CLHC1: variants seen among roughly 807,000 people sequenced by gnomAD.
The protein encoded by CLHC1 is clathrin heavy chain linker domain containing 1, also known as clathrin heavy chain linker domain-containing protein 1.
CLHC1 carries 72 observed loss-of-function variants against 69.5 expected under a neutral mutation model. The observed-to-expected ratio is 1.04, with a 90% CI of 0.86 to 1.26. The LOEUF is 1.26. Ranked by LOEUF, CLHC1 falls within the 50% of genes most tolerant of loss-of-function variation. The probability of loss-of-function intolerance (pLI) is 0.00; values close to 1 mark genes in which losing one functional copy is unlikely to be tolerated. For missense variants in CLHC1, 790 were observed against 679.3 expected, an observed-to-expected ratio of 1.16 and a Z score of -1.81; for synonymous variants, 223 against 224.3, an observed-to-expected ratio of 0.99 and a Z score of 0.05.
chr2:55,232,185 T>A (rs1434323410), intron 1 of CLHC1, 38 bp downstream of exon 1: 1 of 161,726 alleles, frequency 6.2e-6, no homozygotes, highest in East Asian at 1.8e-4. Flanking sequence ...TCCGGCCCGT[T>A]CCCACGCTCC....
At chr2:55,177,272 TA>T (rs1263328140) in intron 12 of CLHC1, among the ~76,000 whole-genome samples, 2 of 152,226 alleles carry the variant, frequency 1.3e-5, no homozygotes, top group Non-Finnish European at 2.9e-5. Context: ...ATATAGTTTA[TA>T]TCTACATAAC....
upstream of CLHC1, chr2:55,232,535 G>C: frequency 1.9e-6 from 1 of 528,932 alleles, no homozygotes; most frequent in South Asian, 2.0e-5. Flanking sequence ...AATAAGCCCA[G>C]GCTAGGGAGA....
At chr2:55,189,593 G>T (rs559519489) in intron 9 of CLHC1, among the ~76,000 whole-genome samples, 2 of 152,248 alleles carry the variant, frequency 1.3e-5, no homozygotes, top group African/African-American at 4.8e-5. Flanking sequence ...CTGAGTTCCT[G>T]AATTGAGGAC....
At position 55,229,132 on chromosome 2, in the gene CLHC1, C is replaced by A. The variant is rs1466000040; in HGVS notation, c.-255-928G>T. On this transcript the variant is annotated intron_variant, in intron 1 of 12. Coordinates refer to ENST00000401408, the MANE Select transcript of CLHC1 (RefSeq NM_152385.4). The stretch of plus-strand genomic sequence containing the variant: ...TACCACTGCAATCCAGCCTGGGCGA[C>A]AGAGGGAGATTCTGTCTCAAAAAAA... 3.8e-5 allele frequency among the ~76,000 whole-genome samples: 4 copies of A among 105,944 alleles called. No individual in the cohort carries two copies. In the South Asian group the frequency reaches 1.2e-3, roughly 33 times the overall value. 69.5% of individuals were successfully genotyped at this position (105,944 alleles called of 152,430 possible).
chr2:55,180,540 A>G lies in CLHC1; in HGVS notation c.1354T>C (p.Tyr452His), dbSNP rs186667665. 44 of 1,613,972 alleles carry G rather than the reference A, an allele frequency of 2.7e-5. No homozygotes were observed. The highest frequency in any genetic ancestry group is 8.3e-5 in the Admixed American group (5 of 60,006). ...KQGQTHRVME[Y>H]IQQLKDFTTD... ...GTAAAGTCCTTCAACTGCTGTATGT[A>G]CTCCATGACCCTATGAGTCTGACCC... Residue 452 changes from tyrosine (Y) to histidine (H), a missense_variant, in exon 11 of 13, where the codon TAC (tyrosine) becomes CAC (histidine). By Grantham distance (83) the Tyr-to-His change is moderately conservative. Transcript: ENST00000401408.
At chr2:55,182,342 T>C (rs1670012025) in intron 9 of CLHC1, among the ~76,000 whole-genome samples, 1 of 152,168 alleles carries the variant, frequency 6.6e-6, no homozygotes, top group Non-Finnish European at 1.5e-5. Context: ...CAAATTAGGA[T>C]CCTGAAATTT....
At chr2:55,228,570 C>T (rs1018778835) in intron 1 of CLHC1, among the ~76,000 whole-genome samples, 4 of 152,168 alleles carry the variant, frequency 2.6e-5, no homozygotes, top group African/African-American at 9.7e-5. Flanking sequence ...TGAGCCACTG[C>T]TACAAAGCAG....
chr2:55,198,419 G>C (rs1393800178), intron 9 of CLHC1, among the ~76,000 whole-genome samples: 1 of 151,962 alleles, frequency 6.6e-6, no homozygotes, highest in Non-Finnish European at 1.5e-5. Context: ...AACCATGTCT[G>C]TACTAAAAAA....
At chr2:55,231,835 C>G (rs961268958) in intron 1 of CLHC1, 2 of 152,176 alleles carry the variant, frequency 1.3e-5, no homozygotes, top group Admixed American at 6.5e-5. Context: ...TACGGCTTCA[C>G]TTTAAAATTT....
intron 9 of CLHC1, among the ~76,000 whole-genome samples, chr2:55,191,524 G>A (rs989427951): frequency 1.3e-5 from 2 of 152,116 alleles, no homozygotes; most frequent in African/African-American, 4.8e-5. Context: ...GTGAGCCACT[G>A]CGCCCAGCCA....
intron 6 of CLHC1, 35 bp from the exon 7 acceptor site, chr2:55,209,551 C>T (rs1672779883): frequency 1.3e-6 from 2 of 1,576,052 alleles, no homozygotes; most frequent in Admixed American, 1.7e-5. Context: ...ACACACTGAG[C>T]CTAAAATCAA....
At chr2:55,187,234 G>A (rs1419316594) in intron 9 of CLHC1, among the ~76,000 whole-genome samples, 2 of 151,022 alleles carry the variant, frequency 1.3e-5, no homozygotes, top group African/African-American at 4.9e-5. Context: ...GGCCGGGATC[G>A]CGCCATTGCA....
intron 9 of CLHC1, among the ~76,000 whole-genome samples, chr2:55,186,872 T>C (rs886539766): frequency 3.3e-5 from 5 of 152,122 alleles, no homozygotes; most frequent in African/African-American, 1.2e-4. Flanking sequence ...AGATTTGAAA[T>C]GTTCTAGAAA....
At chr2:55,209,346 G>C in intron 7 of CLHC1, 58 bp downstream of exon 7, 1 of 1,022,000 alleles carries the variant, frequency 9.8e-7, no homozygotes, top group Non-Finnish European at 1.5e-6. Flanking sequence ...ATTCTAACTA[G>C]CTAGCGAAAA....
chr2:55,220,720 C>T (rs771718102), intron 3 of CLHC1, among the ~76,000 whole-genome samples: 1 of 152,160 alleles, frequency 6.6e-6, no homozygotes, highest in African/African-American at 2.4e-5. Context: ...CTTGGGCATG[C>T]AAAGATAAAC....
intron 1 of CLHC1, among the ~76,000 whole-genome samples, chr2:55,230,027 G>T (rs1210204884): frequency 6.6e-6 from 1 of 152,156 alleles, no homozygotes; most frequent in Non-Finnish European, 1.5e-5. Context: ...AGCCAAGATT[G>T]TGCCATTGCA....
chr2:55,215,280 CAG>C (rs1181304225), intron 4 of CLHC1: 1 of 152,102 alleles, frequency 6.6e-6, no homozygotes, highest in Non-Finnish European at 1.5e-5. Context: ...CAAAATCTAA[CAG>C]AATAGAGAAA....
chr2:55,202,118 C>T (rs528748226), intron 9 of CLHC1, among the ~76,000 whole-genome samples: 15 of 152,180 alleles, frequency 9.9e-5, no homozygotes, highest in Non-Finnish European at 1.5e-5. Context: ...AAGATGCCCA[C>T]TTTCACCACT....
intron 9 of CLHC1, among the ~76,000 whole-genome samples, chr2:55,191,691 C>T (rs1670945651): frequency 6.6e-6 from 1 of 151,734 alleles, no homozygotes; most frequent in East Asian, 1.9e-4. Context: ...ATAAAACCTA[C>T]AGCACAACCA....
Sources: gnomAD v4.1 joint callset for allele counts (sites outside exome capture counted in the v4.1 genomes callset) on GRCh38, gnomAD v4.1.1 for gene constraint, MANE v1.5 for transcripts, NCBI Gene and HGNC (gene_info 2026-07-23, HGNC 2026-07-21) for gene names.